Variants in FHIT observed in about 807,000 individuals in gnomAD.
FHIT encodes fragile histidine triad diadenosine triphosphatase.
Under a neutral mutation model 17.9 loss-of-function variants are expected in FHIT, and 19 were observed. The ratio of observed to expected loss-of-function variants is 1.06; its 90% CI spans 0.74 to 1.56. The LOEUF is 1.56. Ranked by LOEUF, FHIT falls within the 40% of genes most tolerant of loss-of-function variation. The pLI is 0.00. For synonymous variants in FHIT, 81 were observed against 69.7 expected, an observed-to-expected ratio of 1.16 and a Z score of -0.81; for missense variants, 248 against 189.2, an observed-to-expected ratio of 1.31 and a Z score of -1.82.
chr3:61,145,201 C>A (rs747856952), intron 2 of FHIT, among the ~76,000 whole-genome samples: 15 of 152,142 alleles, frequency 9.9e-5, no homozygotes, highest in Non-Finnish European at 1.6e-4. Flanking sequence ...CCATATTGAG[C>A]TAATTGTTGT....
intron 4 of FHIT, among the ~76,000 whole-genome samples, chr3:60,774,403 C>G (rs1553723943): frequency 6.6e-6 from 1 of 152,154 alleles, no homozygotes; most frequent in African/African-American, 2.4e-5. Context: ...CGCGTTCATG[C>G]AATTGTCCTG....
chr3:60,409,535 G>C (rs2107220120), intron 5 of FHIT, among the ~76,000 whole-genome samples: 1 of 152,316 alleles, frequency 6.6e-6, no homozygotes, highest in Middle Eastern at 3.4e-3. Flanking sequence ...ACATTTGTTA[G>C]AATGTTTGTA....
At chr3:59,861,089 A>G (rs79447795) in intron 8 of FHIT, among the ~76,000 whole-genome samples, 4,014 of 152,128 alleles carry the variant, frequency 0.026, 165 homozygotes, top group African/African-American at 0.091. Flanking sequence ...GGCTGGCAGG[A>G]TGAGAAGAAT....
chr3:60,730,046 CT>C, intron 4 of FHIT: 1 of 455,082 alleles, frequency 2.2e-6, no homozygotes, highest in Non-Finnish European at 4.4e-6. Context: ...CAGGAAGAGG[CT>C]TTTGAAACAA....
chr3:60,928,868 G>C (rs558625332), intron 3 of FHIT, among the ~76,000 whole-genome samples: 1 of 152,134 alleles, frequency 6.6e-6, no homozygotes, highest in African/African-American at 2.4e-5. Flanking sequence ...CATTTTATGA[G>C]GCCAGCATCA....
At chr3:60,229,219 C>T (rs1339149337) in intron 5 of FHIT, among the ~76,000 whole-genome samples, 1 of 151,916 alleles carries the variant, frequency 6.6e-6, no homozygotes, top group East Asian at 1.9e-4. Context: ...GAGTTTGAGA[C>T]CAGCCTGGGC....
intron 5 of FHIT, among the ~76,000 whole-genome samples, chr3:60,438,264 C>T (rs994741284): frequency 3.3e-5 from 5 of 151,952 alleles, no homozygotes; most frequent in African/African-American, 1.2e-4. Context: ...AAAAACACAC[C>T]GATGGGTGGA....
intron 3 of FHIT, among the ~76,000 whole-genome samples, chr3:60,857,892 C>G (rs543701656): frequency 2.0e-5 from 3 of 152,278 alleles, no homozygotes; most frequent in Non-Finnish European, 4.4e-5. Context: ...CATGCCTCTA[C>G]ACTCCAGCCT....
intron 4 of FHIT, among the ~76,000 whole-genome samples, chr3:60,809,739 A>G (rs1471602088): frequency 6.6e-6 from 1 of 152,188 alleles, no homozygotes; most frequent in Middle Eastern, 3.2e-3. Flanking sequence ...TAAAGGTTGT[A>G]TAAGCCTTTA....
intron 4 of FHIT, among the ~76,000 whole-genome samples, chr3:60,626,758 T>C (rs2039298145): frequency 1.3e-5 from 2 of 151,352 alleles, no homozygotes; most frequent in South Asian, 4.2e-4. Context: ...TATCTGTGCC[T>C]TCTTCCTTAT....
Position 60,205,673 on chromosome 3 carries a change from T to A in FHIT, c.104-191521A>T, listed in dbSNP as rs1703137665. Among the ~76,000 whole-genome samples the A allele has an allele frequency of 2.0e-5, 3 of 152,230 alleles. No homozygotes were observed. The South Asian group carries it at 6.2e-4, about 32-fold the overall frequency. On this transcript the variant is annotated intron_variant, in intron 5 of 9. Transcript: ENST00000492590. ...AATGGGATAGTACCGAGTGAAAACA[T>A]GGGAACAAAATGACGCAAAGTTCAG...
chr3:60,931,107 C>G (rs561510050), intron 3 of FHIT, among the ~76,000 whole-genome samples: 7 of 151,752 alleles, frequency 4.6e-5, no homozygotes, highest in Non-Finnish European at 8.8e-5. Context: ...AGCAAACTAT[C>G]GCAAGGAGAA....
chr3:61,041,830 T>C (rs981418921), intron 3 of FHIT, among the ~76,000 whole-genome samples: 5 of 152,204 alleles, frequency 3.3e-5, no homozygotes, highest in East Asian at 1.9e-4. Context: ...AAAGTAATTA[T>C]GATAATAATG....
intron 3 of FHIT, among the ~76,000 whole-genome samples, chr3:60,919,932 G>A (rs894805299): frequency 3.9e-5 from 6 of 152,052 alleles, no homozygotes; most frequent in Non-Finnish European, 8.8e-5. Context: ...TACTCAGGAG[G>A]CTGAGGGAGG....
chr3:60,615,048 T>C (rs1287880257), intron 4 of FHIT, among the ~76,000 whole-genome samples: 1 of 152,056 alleles, frequency 6.6e-6, no homozygotes, highest in East Asian at 1.9e-4. Context: ...CAGAATGGTC[T>C]TGATCTCTTG....
At chr3:60,319,835 C>G (rs577207531) in intron 5 of FHIT, among the ~76,000 whole-genome samples, 1 of 152,178 alleles carries the variant, frequency 6.6e-6, no homozygotes, top group East Asian at 1.9e-4. Context: ...GGATGGACTC[C>G]TGGTTCTGAG....
intron 1 of FHIT, among the ~76,000 whole-genome samples, chr3:61,230,510 C>G (rs1267120656): frequency 1.3e-5 from 2 of 152,144 alleles, no homozygotes; most frequent in Non-Finnish European, 2.9e-5. Flanking sequence ...AATTAAATCT[C>G]TATTTTTTTA....
chr3:60,652,912 AC>A (rs1179699722), intron 4 of FHIT, among the ~76,000 whole-genome samples: 1 of 21,048 alleles, frequency 4.8e-5, no homozygotes, highest in African/African-American at 1.5e-4. Context: ...TTCATCTCAA[AC>A]AAAACAAAAC....
rs534420054 is a variant in FHIT at position 60,060,873 on chromosome 3, T to C, written c.104-46721A>G. Among the ~76,000 whole-genome samples the C allele has an allele frequency of 2.9e-4, 44 of 152,322 alleles. No homozygotes were observed. The South Asian group carries it at 9.1e-3, about 32-fold the overall frequency. On this transcript the variant is annotated intron_variant, in intron 5 of 9. Transcript: ENST00000492590. ...GAAAAATGCACTGTAGCATTCTTAT[T>C]CAGAATTTCAGGAACAAAAACTTTT...
Sources: gnomAD v4.1 joint callset for allele counts (sites outside exome capture counted in the v4.1 genomes callset) on GRCh38, gnomAD v4.1.1 for gene constraint, MANE v1.5 for transcripts, NCBI Gene and HGNC (gene_info 2026-07-23, HGNC 2026-07-21) for gene names.